Variants in PRKG2 observed in about 807,000 individuals in gnomAD.
The protein encoded by PRKG2 is protein kinase cGMP-dependent 2.
A neutral mutation model predicts 97.2 loss-of-function variants in PRKG2; 33 were observed. The ratio of observed to expected loss-of-function variants is 0.34; its 90% CI spans 0.26 to 0.45. The LOEUF is 0.45. PRKG2 is among the 20% of genes least tolerant of loss of function. The probability of loss-of-function intolerance (pLI) is 1.00; values close to 1 mark genes in which losing one functional copy is unlikely to be tolerated. For missense variants in PRKG2, 638 were observed against 900.0 expected, an observed-to-expected ratio of 0.71 and a Z score of 3.73; for synonymous variants, 330 against 321.8, an observed-to-expected ratio of 1.03 and a Z score of -0.27.
At chr4:81,152,417 A>G (rs1403304836) in intron 7 of PRKG2, among the ~76,000 whole-genome samples, 1 of 152,210 alleles carries the variant, frequency 6.6e-6, no homozygotes, top group African/African-American at 2.4e-5. Context: ...AGCCTAATAT[A>G]GTTGACAAAT....
intron 8 of PRKG2, among the ~76,000 whole-genome samples, chr4:81,151,754 C>A (rs984714915): frequency 2.0e-5 from 3 of 152,070 alleles, no homozygotes; most frequent in African/African-American, 7.2e-5. Flanking sequence ...TTTTCACTAG[C>A]AAACTTAAGA....
At chr4:81,114,501 T>G (rs1744304558) in intron 14 of PRKG2, among the ~76,000 whole-genome samples, 1 of 152,192 alleles carries the variant, frequency 6.6e-6, no homozygotes, top group South Asian at 2.1e-4. Context: ...AGCAACAGCA[T>G]GTGTTAAGCA....
intron 2 of PRKG2, among the ~76,000 whole-genome samples, chr4:81,191,558 G>A (rs187390768): frequency 3.3e-5 from 5 of 151,996 alleles, no homozygotes; most frequent in South Asian, 2.1e-4. Context: ...CCTTCTGCAC[G>A]TGTATCCCAG....
At chr4:81,189,066 TAAAAAAAAAAAAAA>T in intron 2 of PRKG2, among the ~76,000 whole-genome samples, 2 of 17,056 alleles carry the variant, frequency 1.2e-4, no homozygotes, top group Non-Finnish European at 1.5e-4. Flanking sequence ...AAAAAAATAA[TAAAAAAAAAAAAAA>T]AAAAAAAAAA....
intron 2 of PRKG2, among the ~76,000 whole-genome samples, chr4:81,197,533 C>A (rs918060860): frequency 6.6e-6 from 1 of 152,180 alleles, no homozygotes; most frequent in Non-Finnish European, 1.5e-5. Flanking sequence ...GTTTTAACAT[C>A]TAGGTGAGTT....
chr4:81,215,913 G>T (rs2110142744), upstream of PRKG2, among the ~76,000 whole-genome samples: 1 of 151,860 alleles, frequency 6.6e-6, no homozygotes, highest in South Asian at 2.1e-4. Context: ...GGTGCAATAT[G>T]GTTTCCTAAA....
intron 2 of PRKG2, among the ~76,000 whole-genome samples, chr4:81,181,392 T>G (rs1231758434): frequency 6.6e-6 from 1 of 151,604 alleles, no homozygotes; most frequent in Non-Finnish European, 1.5e-5. Flanking sequence ...AAATGATGCA[T>G]AGAAGAAAAT....
At chr4:81,127,043 T>C (rs763969169) in intron 14 of PRKG2, among the ~76,000 whole-genome samples, 1 of 152,180 alleles carries the variant, frequency 6.6e-6, no homozygotes, top group African/African-American at 2.4e-5. Context: ...AATTTTTGTA[T>C]AAGATGTAAG....
chr4:81,117,420 T>G (rs544896389), intron 14 of PRKG2, among the ~76,000 whole-genome samples: 1 of 152,302 alleles, frequency 6.6e-6, no homozygotes, highest in African/African-American at 2.4e-5. Flanking sequence ...CAAATAGAAG[T>G]ACTTATACCA....
intron 14 of PRKG2, among the ~76,000 whole-genome samples, chr4:81,122,474 T>G (rs1025835970): frequency 6.6e-6 from 1 of 152,142 alleles, no homozygotes; most frequent in African/African-American, 2.4e-5. Context: ...ATCTCAATCA[T>G]GACTAAGGAA....
intron 2 of PRKG2, among the ~76,000 whole-genome samples, chr4:81,200,707 G>C (rs529568344): frequency 6.6e-6 from 1 of 152,206 alleles, no homozygotes; most frequent in South Asian, 2.1e-4. Context: ...CTAGTAAGGG[G>C]GGTAGCATCA....
chr4:81,119,336 C>T (rs1466844455), intron 14 of PRKG2, among the ~76,000 whole-genome samples: 2 of 152,158 alleles, frequency 1.3e-5, no homozygotes, highest in East Asian at 1.9e-4. Context: ...GTCTGGATGT[C>T]GCATTGTTCC....
At position 81,127,033 on chromosome 4, in the gene PRKG2, A is replaced by T. The variant is rs534593207; in HGVS notation, c.1776+8122T>A. 1.6e-3 allele frequency among the ~76,000 whole-genome samples: 239 copies of T among 152,038 alleles called. 1 individual carries two copies. Among genetic ancestry groups the T allele is most frequent in the African/African-American group, 5.4e-3 (224 of 41,502 alleles). On this transcript the variant is annotated intron_variant, in intron 14 of 18. Transcript: ENST00000264399. ...TACATTTAAGTCTTTATCTTGAGTT[A>T]ATTTTTGTATAAGATGTAAGGAAGG...
At position 81,201,206 on chromosome 4, in the gene PRKG2, A is replaced by C. The variant is rs143489280; in HGVS notation, c.461+3381T>G. Among the ~76,000 whole-genome samples, 9 of 152,352 alleles carry C rather than the reference A, an allele frequency of 5.9e-5. No homozygotes were observed. In the East Asian group the frequency reaches 1.7e-3, roughly 29 times the overall value. ...GACTATTCAATGTTTAAATTAATTA[A>C]AAATAAAAATCCATCAGATTCAAGC... On this transcript the variant is annotated intron_variant, in intron 2 of 18. Coordinates refer to ENST00000264399, the MANE Select transcript of PRKG2 (RefSeq NM_006259.3).
intron 1 of PRKG2, among the ~76,000 whole-genome samples, chr4:81,206,525 A>T: frequency 6.6e-6 from 1 of 152,202 alleles, no homozygotes. Flanking sequence ...TTTCCTTTAC[A>T]AATTACCCAG....
chr4:81,163,334 T>C (rs541965485), intron 6 of PRKG2, among the ~76,000 whole-genome samples: 4 of 152,144 alleles, frequency 2.6e-5, no homozygotes, highest in Non-Finnish European at 5.9e-5. Context: ...AGTGTGGTTA[T>C]TGTCCTTGTG....
chr4:81,175,167 T>C (rs539518943), intron 2 of PRKG2, among the ~76,000 whole-genome samples: 1 of 152,222 alleles, frequency 6.6e-6, no homozygotes, highest in South Asian at 2.1e-4. Flanking sequence ...TTGAATATTA[T>C]TCTGATAGTC....
intron 14 of PRKG2, among the ~76,000 whole-genome samples, chr4:81,125,812 A>C (rs1231174912): frequency 6.6e-6 from 1 of 152,172 alleles, no homozygotes; most frequent in African/African-American, 2.4e-5. Context: ...TGTGGTTTTA[A>C]TCTGCATTTC....
At chr4:81,202,516 T>C (rs1304475534) in intron 2 of PRKG2, among the ~76,000 whole-genome samples, 1 of 152,090 alleles carries the variant, frequency 6.6e-6, no homozygotes, top group Non-Finnish European at 1.5e-5. Flanking sequence ...GATGATACAG[T>C]TTTTGTCTCT....
Sources: gnomAD v4.1 joint callset for allele counts (sites outside exome capture counted in the v4.1 genomes callset) on GRCh38, gnomAD v4.1.1 for gene constraint, MANE v1.5 for transcripts, NCBI Gene and HGNC (gene_info 2026-07-23, HGNC 2026-07-21) for gene names.